PRSS12: variants seen among roughly 807,000 people sequenced by gnomAD.
PRSS12 encodes serine protease 12.
A neutral mutation model predicts 104.4 loss-of-function variants in PRSS12; 85 were observed. The observed-to-expected ratio is 0.81, with a 90% CI of 0.68 to 0.98. The LOEUF (loss-of-function observed/expected upper bound fraction) is 0.98. Ranked by LOEUF, PRSS12 falls within the 50% of genes least tolerant of loss-of-function variation. The pLI is 0.00. For missense variants in PRSS12, 1,141 were observed against 1,139.2 expected (o/e 1.00, Z -0.02); for synonymous variants, 454 against 425.2 (o/e 1.07, Z -0.83).
intron 2 of PRSS12, among the ~76,000 whole-genome samples, chr4:118,337,726 A>G (rs1413467138): frequency 6.6e-6 from 1 of 152,174 alleles, no homozygotes; most frequent in Non-Finnish European, 1.5e-5. Flanking sequence ...ATAAAAGTAG[A>G]AAGGTAAAAT....
Position 118,295,793 on chromosome 4 carries a change from C to T in PRSS12, c.1901G>A (p.Gly634Glu), listed in dbSNP as rs1345791155. The T allele has an allele frequency of 2.5e-6, 4 of 1,613,610 alleles. No individual in the cohort carries two copies. The highest frequency in any genetic ancestry group is 3.4e-6 in the Non-Finnish European group (4 of 1,179,758). The change falls in exon 10 of 13, where the codon GGG becomes GAG. Residue 634 changes from glycine to glutamate, a missense_variant. Physicochemically the swap from Gly to Glu is moderately conservative, Grantham distance 98. Coordinates refer to ENST00000296498, the MANE Select transcript of PRSS12 (RefSeq NM_003619.4). ...GAACATTTACCTTAAAGAATTTTTC[C>T]CACCAATGATCCGCTTCTGCCGACG... is the stretch of plus-strand genomic sequence containing the variant. ...LHRRQKRIIG[G>E]KNSLRGGWPW...
intron 8 of PRSS12, chr4:118,303,544 C>A (rs1396238502): frequency 2.0e-5 from 3 of 152,006 alleles, no homozygotes; most frequent in African/African-American, 7.2e-5. Flanking sequence ...AAGGACTCTG[C>A]CATCCATAGA....
At chr4:118,313,037 A>G in intron 7 of PRSS12, 164 bp downstream of exon 7, 1 of 793,354 alleles carries the variant, frequency 1.3e-6, no homozygotes, top group Admixed American at 2.8e-5. Flanking sequence ...CACAGACTCA[A>G]AAGATTATTT....
At chr4:118,331,194 C>A (rs1207347311) in intron 4 of PRSS12, among the ~76,000 whole-genome samples, 2 of 152,136 alleles carry the variant, frequency 1.3e-5, no homozygotes, top group African/African-American at 4.8e-5. Flanking sequence ...ACTGAGGCAA[C>A]CTGGAATGTT....
At chr4:118,328,159 A>G (rs1238543222) in intron 4 of PRSS12, among the ~76,000 whole-genome samples, 1 of 152,202 alleles carries the variant, frequency 6.6e-6, no homozygotes, top group East Asian at 1.9e-4. Context: ...AATTATAGAG[A>G]AAGAAGAGTC....
rs1256170547 is a variant in PRSS12, at chr4:118,335,658, G to T, written c.642-7C>A. The T allele has an allele frequency of 1.2e-6, 2 of 1,613,506 alleles. No individual in the cohort carries two copies. Among genetic ancestry groups the T allele is most frequent in the South Asian group, 1.1e-5 (1 of 91,074 alleles). On this transcript the variant is annotated splice_region_variant and splice_polypyrimidine_tract_variant and intron_variant, in intron 2 of 12. Coordinates refer to ENST00000296498, the MANE Select transcript of PRSS12 (RefSeq NM_003619.4). The stretch of plus-strand genomic sequence containing the variant: ...TTTTGCTATTCCTTTTCCTCTGGAA[G>T]TACAATGAGCGATATTAGGTTTATC...
chr4:118,350,681 G>A (rs953179129), intron 1 of PRSS12, among the ~76,000 whole-genome samples: 1 of 152,202 alleles, frequency 6.6e-6, no homozygotes, highest in Non-Finnish European at 1.5e-5. Context: ...ACTGAAGAAG[G>A]TGAGGTGGCA....
At position 118,295,853 on chromosome 4, in the gene PRSS12, G is replaced by C. The variant is rs771033155; in HGVS notation, c.1841C>G (p.Ser614Cys). Residue 614 changes from serine (S) to cysteine (C), a missense_variant, in exon 10 of 13, where the codon TCC becomes TGC. Physicochemically the swap from Ser to Cys is moderately radical, Grantham distance 112. Coordinates refer to ENST00000296498, the MANE Select transcript of PRSS12 (RefSeq NM_003619.4). ...TCTCAAGCCACAAACAGATGAGAGG[G>C]ACTCTGAAGCAGAAATAGGTCATTA... Reference protein sequence around the residue: ...KKASGNSNKESLSSVCGLRLL... With the variant: ...KKASGNSNKECLSSVCGLRLL... 3 of 1,613,734 alleles carry C rather than the reference G, an allele frequency of 1.9e-6. No individual in the cohort carries two copies. The Admixed American group carries it at 5.0e-5, about 27-fold the overall frequency.
intron 11 of PRSS12, among the ~76,000 whole-genome samples, chr4:118,284,631 C>G (rs1742973180): frequency 6.6e-6 from 1 of 152,160 alleles, no homozygotes. Context: ...TCCTTCAAAC[C>G]CATTGGACTT....
At chr4:118,312,153 T>C (rs1449324999) in intron 7 of PRSS12, among the ~76,000 whole-genome samples, 2 of 152,158 alleles carry the variant, frequency 1.3e-5, no homozygotes, top group Non-Finnish European at 2.9e-5. Context: ...TCTCACAGTG[T>C]ACAGTACAAT....
intron 9 of PRSS12, among the ~76,000 whole-genome samples, chr4:118,298,238 T>TA (rs1743300611): frequency 6.6e-6 from 1 of 152,166 alleles, no homozygotes; most frequent in Non-Finnish European, 1.5e-5. Context: ...AAGGATTACT[T>TA]ATCATTTTCC....
rs189793072 is a variant in PRSS12, at chr4:118,338,488, G to A, written c.503-174C>T. Among the ~76,000 whole-genome samples, 111 of 152,248 alleles carry A rather than the reference G, an allele frequency of 7.3e-4. 1 individual carries two copies. The highest frequency in any genetic ancestry group is 1.0e-4 in the Non-Finnish European group (7 of 68,014). On this transcript the variant is annotated intron_variant, in intron 1 of 12. Coordinates refer to ENST00000296498, the MANE Select transcript of PRSS12 (RefSeq NM_003619.4). ...CTTCCTTTAAGTGAGGATTTAGCAA[G>A]CTCCTTCTTTTTTGTAATTAACATC...
intron 9 of PRSS12, among the ~76,000 whole-genome samples, chr4:118,297,749 C>G (rs1743287413): frequency 6.6e-6 from 1 of 152,134 alleles, no homozygotes; most frequent in Non-Finnish European, 1.5e-5. Context: ...TATAAACTTT[C>G]AATCCAGATA....
At chr4:118,287,285 A>G (rs896388651) in intron 11 of PRSS12, among the ~76,000 whole-genome samples, 1 of 152,136 alleles carries the variant, frequency 6.6e-6, no homozygotes, top group Non-Finnish European at 1.5e-5. Flanking sequence ...AGCCGGGACC[A>G]CAAGTGCATG....
intron 8 of PRSS12, 119 bp from the exon 9 acceptor site, chr4:118,299,057 T>C: frequency 8.7e-7 from 1 of 1,149,578 alleles, no homozygotes; most frequent in Admixed American, 2.0e-5. Context: ...CATCTGCATG[T>C]GCTAAAAACC....
At chr4:118,323,600 C>T (rs947001696) in intron 4 of PRSS12, among the ~76,000 whole-genome samples, 2 of 151,622 alleles carry the variant, frequency 1.3e-5, no homozygotes, top group Non-Finnish European at 2.9e-5. Flanking sequence ...TTTTTATAAC[C>T]TTGGATGTAA....
rs3805190 is a variant in PRSS12 at position 118,296,819 on chromosome 4, A to G, written c.1838-963T>C. Among the ~76,000 whole-genome samples, 211 of 152,308 alleles carry G rather than the reference A, an allele frequency of 1.4e-3. 10 individuals are homozygous for G. In the East Asian group the frequency reaches 0.032, roughly 23 times the overall value. On this transcript the variant is annotated intron_variant, in intron 9 of 12. Transcript: ENST00000296498. ...AAAATGATCTCAGAGGTATGCTTTC[A>G]AACTTTAACCTTCATTTCTTACAAT... is the stretch of plus-strand genomic sequence containing the variant.
chr4:118,303,763 G>C (rs551055152), intron 8 of PRSS12: 1 of 151,970 alleles, frequency 6.6e-6, no homozygotes, highest in African/African-American at 2.4e-5. Flanking sequence ...AAATAATCTT[G>C]CTGCTATCAA....
intron 11 of PRSS12, among the ~76,000 whole-genome samples, chr4:118,287,884 G>GA (rs1743047222): frequency 6.6e-6 from 1 of 152,134 alleles, no homozygotes; most frequent in African/African-American, 2.4e-5. Flanking sequence ...TTGCTTTGCT[G>GA]AAATGCCTTC....
Sources: allele counts gnomAD v4.1 joint callset (sites outside exome capture counted in the v4.1 genomes callset), GRCh38; gene constraint gnomAD v4.1.1; transcripts MANE v1.5; gene names NCBI Gene and HGNC (gene_info 2026-07-23, HGNC 2026-07-21).